DSG2: variants seen among roughly 807,000 people sequenced by gnomAD.
DSG2 encodes desmoglein 2.
A neutral mutation model predicts 75.6 loss-of-function variants in DSG2; 45 were observed. That is an observed-to-expected ratio of 0.60 (90% CI 0.47 to 0.76). The LOEUF (loss-of-function observed/expected upper bound fraction) is 0.76. Among genes scored for constraint, DSG2 ranks in the 30% least tolerant of loss-of-function variants. The pLI is 0.00. For synonymous variants in DSG2, 429 were observed against 483.9 expected, an observed-to-expected ratio of 0.89 and a Z score of 1.49; for missense variants, 1,267 against 1,357.4, an observed-to-expected ratio of 0.93 and a Z score of 1.05.
chr18:31,524,737 T>G lies in DSG2; in HGVS notation c.863T>G (p.Val288Gly), dbSNP rs539291701. 3 of 1,614,188 alleles carry G rather than the reference T, an allele frequency of 1.9e-6. No individual in the cohort carries two copies. The African/African-American group carries it at 4.0e-5, about 22-fold the overall frequency. Residue 288 changes from valine (V) to glycine (G), a missense_variant, in exon 8 of 15, where the codon GTA (valine) becomes GGA (glycine). Coordinates refer to ENST00000261590, the MANE Select transcript of DSG2 (RefSeq NM_001943.5). ...EGMVEENQVN[V>G]EVTRIKVFDA... ...ATGGTTGAAGAAAATCAAGTCAACG[T>G]AGAAGTTACGCGCATAAAAGTGTTC...
chr18:31,526,313 AAT>A lies in DSG2; in HGVS notation c.1014+1431_1014+1432del, dbSNP rs535005813. Among the ~76,000 whole-genome samples the A allele has an allele frequency of 5.8e-3, 887 of 152,348 alleles. 9 individuals carry two copies. Among genetic ancestry groups the A allele is most frequent in the Middle Eastern group, 0.017 (5 of 294 alleles). On this transcript the variant is annotated intron_variant, in intron 8 of 14. Coordinates refer to ENST00000261590, the MANE Select transcript of DSG2 (RefSeq NM_001943.5). ...AGTTTCGAAATTCTTATGAAAACTTAATATATAACAGACTGGGTAAAACTCTG... is the reference window on the plus strand; with the variant it reads ...AGTTTCGAAATTCTTATGAAAACTTAATATAACAGACTGGGTAAAACTCTG...
chr18:31,507,694 T>C (rs1805916076), intron 1 of DSG2, among the ~76,000 whole-genome samples: 1 of 152,246 alleles, frequency 6.6e-6, no homozygotes, highest in Non-Finnish European at 1.5e-5. Flanking sequence ...ATGAGCTTTT[T>C]TTCATGTTTG....
At position 31,521,183 on chromosome 18, in the gene DSG2, A is replaced by G. The variant is rs764577709; in HGVS notation, c.463A>G (p.Asn155Asp). 1.9e-6 allele frequency: 3 copies of G among 1,614,008 alleles called. No individual in the cohort carries two copies. Among genetic ancestry groups the G allele is most frequent in the South Asian group, 1.1e-5 (1 of 91,070 alleles). Residue 155 changes from asparagine (N) to aspartate (D), a missense_variant, in exon 5 of 15, where the codon AAC becomes GAC. Coordinates refer to ENST00000261590, the MANE Select transcript of DSG2 (RefSeq NM_001943.5). The stretch of plus-strand genomic sequence containing the variant: ...CATTAAGGTTCTTGATATCAATGAC[A>G]ACGAACCAGTGTTCACACAGGATGT... Reference protein sequence around the residue: ...LRIKVLDINDNEPVFTQDVFV... With the variant: ...LRIKVLDINDDEPVFTQDVFV...
intron 11 of DSG2, 124 bp downstream of exon 11, chr18:31,536,553 A>G: frequency 9.7e-7 from 1 of 1,027,384 alleles, no homozygotes; most frequent in Non-Finnish European, 1.4e-6. Flanking sequence ...AGTTTATGAA[A>G]TGAGGTCCTG....
chr18:31,545,598 T>C, intron 14 of DSG2, 123 bp from the exon 15 acceptor site: 2 of 1,180,782 alleles, frequency 1.7e-6, no homozygotes, highest in Non-Finnish European at 2.4e-6. Flanking sequence ...TCCCTGATGG[T>C]TCCTTGTAAT....
chr18:31,531,374 T>A, intron 9 of DSG2, 122 bp downstream of exon 9: 4 of 1,216,606 alleles, frequency 3.3e-6, no homozygotes, highest in Non-Finnish European at 4.6e-6. Flanking sequence ...TCCCCAAAGG[T>A]CTACAAGTTA....
intron 8 of DSG2, among the ~76,000 whole-genome samples, chr18:31,526,036 C>T (rs959019054): frequency 6.6e-6 from 1 of 152,024 alleles, no homozygotes; most frequent in Non-Finnish European, 1.5e-5. Context: ...TCCAGCTTCT[C>T]AGGAGGCTGA....
At chr18:31,535,953 T>C (rs1050480365) in intron 10 of DSG2, among the ~76,000 whole-genome samples, 2 of 151,990 alleles carry the variant, frequency 1.3e-5, no homozygotes, top group Admixed American at 6.6e-5. Flanking sequence ...AATTTAAAAA[T>C]AGATGTCTAA....
chr18:31,535,222 C>A, intron 9 of DSG2, 48 bp from the exon 10 acceptor site: 1 of 1,297,604 alleles, frequency 7.7e-7, no homozygotes, highest in South Asian at 1.2e-5. Flanking sequence ...TTAGAGGTTT[C>A]CAATTCATGC....
chr18:31,521,695 G>A (rs995429119), intron 5 of DSG2, among the ~76,000 whole-genome samples: 5 of 152,148 alleles, frequency 3.3e-5, no homozygotes, highest in African/African-American at 9.7e-5. Context: ...ATGAGGACCC[G>A]AATGAGAGAT....
At chr18:31,520,283 T>C (rs900435859) in intron 3 of DSG2, among the ~76,000 whole-genome samples, 1 of 152,188 alleles carries the variant, frequency 6.6e-6, no homozygotes, top group Non-Finnish European at 1.5e-5. Context: ...CTGGTGTCTA[T>C]TACTAGGTAG....
At chr18:31,514,237 G>A (rs1418330036) in intron 1 of DSG2, among the ~76,000 whole-genome samples, 3 of 152,148 alleles carry the variant, frequency 2.0e-5, no homozygotes, top group African/African-American at 4.8e-5. Flanking sequence ...TGAGGAAATT[G>A]GAGAAAGGAA....
chr18:31,542,969 T>TTTTTTC, intron 14 of DSG2, 117 bp downstream of exon 14: 3 of 970,760 alleles, frequency 3.1e-6, no homozygotes, highest in Non-Finnish European at 4.4e-6. Flanking sequence ...GTTTTTTTTT[T>TTTTTTC]TTTTCTTTTT....
Position 31,518,237 on chromosome 18 carries a change from A to C in DSG2, c.46-2A>C. On this transcript the variant is annotated splice_acceptor_variant, in intron 1 of 14. Transcript: ENST00000261590. LOFTEE classifies it high-confidence loss of function. ...TAAATATCAAATAATTTTATTTTAC[A>C]GATCTGCTTTAACGTTGGAAGTGGA... 1 of 1,611,616 alleles carries C rather than the reference A, an allele frequency of 6.2e-7. No homozygotes were observed. Among genetic ancestry groups the C allele is most frequent in the Non-Finnish European group, 8.5e-7 (1 of 1,177,760 alleles).
rs757355636 is a variant in DSG2 at position 31,545,712 on chromosome 18, T to C, written c.2335-9T>C. ...GTTTTGTGTTTGTTTTGTTTTGTTT[T>C]CATTTTAGAAAGCGGCCTCTTACAC... is the stretch of plus-strand genomic sequence containing the variant. On this transcript the variant is annotated splice_polypyrimidine_tract_variant and intron_variant, in intron 14 of 14. Coordinates refer to ENST00000261590, the MANE Select transcript of DSG2 (RefSeq NM_001943.5). The C allele has an allele frequency of 2.1e-5, 34 of 1,612,762 alleles. No homozygotes were observed. The highest frequency in any genetic ancestry group is 2.8e-5 in the Non-Finnish European group (33 of 1,180,028).
intron 1 of DSG2, among the ~76,000 whole-genome samples, chr18:31,504,007 G>A (rs1299974780): frequency 2.0e-5 from 3 of 152,112 alleles, no homozygotes; most frequent in Non-Finnish European, 4.4e-5. Context: ...TTCTAAGTAG[G>A]GATTTATTTT....
chr18:31,514,987 A>G (rs1336127018), intron 1 of DSG2, among the ~76,000 whole-genome samples: 1 of 152,222 alleles, frequency 6.6e-6, no homozygotes, highest in Non-Finnish European at 1.5e-5. Context: ...TAGGGCCGGT[A>G]AGATTGTAGG....
At chr18:31,498,442 C>T (rs2072996103) in intron 1 of DSG2, 146 bp downstream of exon 1, 1 of 924,304 alleles carries the variant, frequency 1.1e-6, no homozygotes, top group Non-Finnish European at 1.4e-6. Flanking sequence ...GGGAAAAGGG[C>T]CGGGCAGGCT....
At chr18:31,516,490 A>G (rs972614486) in intron 1 of DSG2, among the ~76,000 whole-genome samples, 5 of 152,228 alleles carry the variant, frequency 3.3e-5, no homozygotes, top group Admixed American at 2.0e-4. Flanking sequence ...TAGAAATGCA[A>G]TAAGGGTAAG....
Sources: allele counts gnomAD v4.1 joint callset (sites outside exome capture counted in the v4.1 genomes callset), GRCh38; gene constraint gnomAD v4.1.1; transcripts MANE v1.5; gene names NCBI Gene and HGNC (gene_info 2026-07-23, HGNC 2026-07-21).